Variants in RAP1A observed in about 807,000 individuals in gnomAD.
RAP1A encodes the protein ras-related protein Rap-1A.
A neutral mutation model predicts 26.4 loss-of-function variants in RAP1A; 6 were observed. The ratio of observed to expected loss-of-function variants is 0.23; its 90% CI spans 0.12 to 0.45. RAP1A has a LOEUF of 0.45. Ranked by LOEUF, RAP1A falls within the 20% of genes least tolerant of loss-of-function variation. The pLI is 0.99. For missense variants in RAP1A, 121 were observed against 217.2 expected (o/e 0.56, Z 2.78); for synonymous variants, 73 against 79.4 (o/e 0.92, Z 0.43).
intron 1 of RAP1A, among the ~76,000 whole-genome samples, chr1:111,610,461 G>GT (rs889550612): frequency 6.6e-5 from 10 of 151,792 alleles, no homozygotes; most frequent in African/African-American, 2.4e-4. Context: ...GGCTTAACTA[G>GT]TTACTGAAAG....
At chr1:111,667,510 C>G (rs1223423738) in intron 1 of RAP1A, among the ~76,000 whole-genome samples, 5 of 151,888 alleles carry the variant, frequency 3.3e-5, no homozygotes. Flanking sequence ...CATGGCGAAA[C>G]CTGTCTCTAC....
chr1:111,569,991 G>A (rs987920150), intron 1 of RAP1A, among the ~76,000 whole-genome samples: 2 of 152,156 alleles, frequency 1.3e-5, no homozygotes, highest in African/African-American at 2.4e-5. Context: ...AGTGTAAAAC[G>A]TCAGGGAGGA....
At chr1:111,672,104 G>A (rs1487892034) in intron 1 of RAP1A, among the ~76,000 whole-genome samples, 2 of 152,026 alleles carry the variant, frequency 1.3e-5, no homozygotes, top group Non-Finnish European at 2.9e-5. Context: ...TGTCTCTTAA[G>A]TTGATTCATT....
At chr1:111,690,833 C>T (rs1661644213) in intron 1 of RAP1A, among the ~76,000 whole-genome samples, 1 of 152,170 alleles carries the variant, frequency 6.6e-6, no homozygotes, top group Admixed American at 6.6e-5. Context: ...CTCCTGTTCA[C>T]ATCTTTAATT....
chr1:111,612,733 A>G (rs2101080885), intron 1 of RAP1A, among the ~76,000 whole-genome samples: 1 of 152,374 alleles, frequency 6.6e-6, no homozygotes, highest in African/African-American at 2.4e-5. Context: ...TTGTCTATTT[A>G]CAAACCTGGA....
chr1:111,559,322 A>G (rs7524135), intron 1 of RAP1A, among the ~76,000 whole-genome samples: 16,121 of 152,162 alleles, frequency 0.11, 2,178 homozygotes, highest in African/African-American at 0.31. Context: ...GAAGGAATTT[A>G]TTCATGCATT....
chr1:111,648,338 A>T lies in RAP1A; in HGVS notation c.-28+28404A>T, dbSNP rs1377062123. On this transcript the variant is annotated intron_variant, in intron 1 of 7. Coordinates refer to ENST00000369709, the MANE Select transcript of RAP1A (RefSeq NM_002884.4). The stretch of plus-strand genomic sequence containing the variant: ...GGTCTCAGATACCACTTTGCCATCC[A>T]CTATCTGGTGGATGGTCGTCTTTTG... The T allele has an allele frequency of 6.6e-6, 5 of 752,600 alleles. 1 individual carries two copies. The Admixed American group carries it at 9.6e-5, about 14-fold the overall frequency. The allele number at this position is 752,600 out of a possible 1,614,324, so 46.6% of individuals were successfully genotyped here. A position where few individuals can be genotyped will look rare whatever the true frequency, so the allele number is the denominator to read the frequency against.
chr1:111,704,325 G>A lies in RAP1A; in HGVS notation c.325-18G>A, dbSNP rs370828571. 9.6e-5 allele frequency: 155 copies of A among 1,610,662 alleles called. No homozygotes were observed. Among genetic ancestry groups the A allele is most frequent in the Non-Finnish European group, 1.3e-4 (151 of 1,178,210 alleles). On this transcript the variant is annotated intron_variant, in intron 5 of 7. Transcript: ENST00000369709. ...ATGAGTATGTTATTGTTCATTTTAC[G>A]TTTTTTTCTTCCCACAGGTTCCAAT...
chr1:111,664,244 C>T (rs1660721308), intron 1 of RAP1A, among the ~76,000 whole-genome samples: 1 of 151,944 alleles, frequency 6.6e-6, no homozygotes, highest in African/African-American at 2.4e-5. Context: ...CATGGTGGCA[C>T]ATGCCTGTAG....
At chr1:111,547,306 GT>G (rs1290728285) in intron 1 of RAP1A, among the ~76,000 whole-genome samples, 1 of 151,854 alleles carries the variant, frequency 6.6e-6, no homozygotes, top group Non-Finnish European at 1.5e-5. Flanking sequence ...TCATGAAAGG[GT>G]ACTGGATTTT....
chr1:111,576,370 T>G (rs1276540963), intron 1 of RAP1A, among the ~76,000 whole-genome samples: 1 of 152,208 alleles, frequency 6.6e-6, no homozygotes, highest in East Asian at 1.9e-4. Context: ...GTATATATCA[T>G]GACTAGAGAT....
At chr1:111,709,337 C>T in intron 7 of RAP1A, 73 bp downstream of exon 7, 1 of 1,401,490 alleles carries the variant, frequency 7.1e-7, no homozygotes, top group Non-Finnish European at 9.4e-7. Context: ...TTAGCTACTT[C>T]CCATTTCATC....
intron 1 of RAP1A, among the ~76,000 whole-genome samples, chr1:111,658,696 T>C (rs966749694): frequency 3.3e-5 from 5 of 152,316 alleles, no homozygotes; most frequent in Admixed American, 1.3e-4. Flanking sequence ...GTCTAAACAA[T>C]GCGGATTAAA....
At chr1:111,592,608 A>G (rs1658490263) in intron 1 of RAP1A, among the ~76,000 whole-genome samples, 1 of 152,176 alleles carries the variant, frequency 6.6e-6, no homozygotes, top group African/African-American at 2.4e-5. Context: ...CCCAAAGAGC[A>G]ATGACGATTC....
chr1:111,567,864 C>G (rs1382116992), intron 1 of RAP1A, among the ~76,000 whole-genome samples: 1 of 152,206 alleles, frequency 6.6e-6, no homozygotes, highest in African/African-American at 2.4e-5. Flanking sequence ...TCTTGGTCAT[C>G]CAGCCTCCAG....
At chr1:111,689,111 C>T (rs1275445724) in intron 1 of RAP1A, among the ~76,000 whole-genome samples, 6 of 152,182 alleles carry the variant, frequency 3.9e-5, no homozygotes, top group African/African-American at 1.2e-4. Flanking sequence ...GCTGGGATTA[C>T]AGGCATAAGC....
intron 1 of RAP1A, among the ~76,000 whole-genome samples, chr1:111,660,981 T>A (rs930773096): frequency 6.6e-6 from 1 of 152,248 alleles, no homozygotes; most frequent in South Asian, 2.1e-4. Flanking sequence ...ACATGCCATA[T>A]GGACTACGAT....
chr1:111,558,417 G>T (rs1657594394), intron 1 of RAP1A, among the ~76,000 whole-genome samples: 1 of 151,958 alleles, frequency 6.6e-6, no homozygotes, highest in Non-Finnish European at 1.5e-5. Flanking sequence ...GAACTCCTGG[G>T]CTCAAGCAAT....
chr1:111,551,852 G>A (rs1407585769), intron 1 of RAP1A, among the ~76,000 whole-genome samples: 1 of 151,806 alleles, frequency 6.6e-6, no homozygotes, highest in African/African-American at 2.4e-5. Flanking sequence ...TTTACAGTTC[G>A]GCCTTGGCCT....
Sources: gnomAD v4.1 joint callset for allele counts (sites outside exome capture counted in the v4.1 genomes callset) on GRCh38, gnomAD v4.1.1 for gene constraint, MANE v1.5 for transcripts, NCBI Gene and HGNC (gene_info 2026-07-23, HGNC 2026-07-21) for gene names.